SLC1A3: variants seen among roughly 807,000 people sequenced by gnomAD.
SLC1A3 encodes the protein solute carrier family 1 member 3, also known as excitatory amino acid transporter 1.
Under a neutral mutation model 48.1 loss-of-function variants are expected in SLC1A3, and 21 were observed. That is an observed-to-expected ratio of 0.44 (90% CI 0.31 to 0.63). The LOEUF is 0.63. Among genes scored for constraint, SLC1A3 ranks in the 20% least tolerant of loss-of-function variants. The probability of loss-of-function intolerance (pLI) is 0.08; values close to 1 mark genes in which losing one functional copy is unlikely to be tolerated. For synonymous variants in SLC1A3, 239 were observed against 251.4 expected, an observed-to-expected ratio of 0.95 and a Z score of 0.47; for missense variants, 546 against 689.0, an observed-to-expected ratio of 0.79 and a Z score of 2.32.
rs373869772 is a variant in SLC1A3, at chr5:36,616,058, C to T, written c.181+7454C>T. 4.6e-5 allele frequency among the ~76,000 whole-genome samples: 7 copies of T among 152,172 alleles called. No individual in the cohort carries two copies. The South Asian group carries it at 1.2e-3, about 27-fold the overall frequency. On this transcript the variant is annotated intron_variant, in intron 2 of 9. Coordinates refer to ENST00000265113, the MANE Select transcript of SLC1A3 (RefSeq NM_004172.5). The stretch of plus-strand genomic sequence containing the variant: ...TAAAAATACAAAAATTAGCCAGGCG[C>T]GGTGGCGGCTGCCTGTAATCCCAGC...
chr5:36,634,107 C>T (rs1372687177), intron 3 of SLC1A3, among the ~76,000 whole-genome samples: 2 of 152,030 alleles, frequency 1.3e-5, no homozygotes, highest in East Asian at 3.9e-4. Flanking sequence ...GAAACCCCAT[C>T]TCTACTAAAA....
chr5:36,611,602 G>C (rs1409665943), intron 2 of SLC1A3, among the ~76,000 whole-genome samples: 1 of 152,158 alleles, frequency 6.6e-6, no homozygotes, highest in African/African-American at 2.4e-5. Flanking sequence ...CATGTAACAA[G>C]AGCGGTTAGC....
At chr5:36,648,792 G>T (rs745825908) in intron 3 of SLC1A3, among the ~76,000 whole-genome samples, 7 of 152,110 alleles carry the variant, frequency 4.6e-5, no homozygotes, top group Non-Finnish European at 1.0e-4. Context: ...ATGGGGGAAG[G>T]TGTAAGATTT....
At chr5:36,685,878 T>A (rs1742622346) in intron 9 of SLC1A3, among the ~76,000 whole-genome samples, 187 bp from the exon 10 acceptor site, 1 of 152,266 alleles carries the variant, frequency 6.6e-6, no homozygotes, top group South Asian at 2.1e-4. Context: ...ATTCATCATC[T>A]ATATGGCCTT....
At chr5:36,663,266 A>T (rs1308914227) in intron 3 of SLC1A3, among the ~76,000 whole-genome samples, 1 of 151,226 alleles carries the variant, frequency 6.6e-6, no homozygotes, top group Non-Finnish European at 1.5e-5. Context: ...CCCAGGCTGG[A>T]GTGCAGTAGC....
At chr5:36,660,645 G>A (rs887230761) in intron 3 of SLC1A3, among the ~76,000 whole-genome samples, 2 of 152,220 alleles carry the variant, frequency 1.3e-5, no homozygotes, top group Non-Finnish European at 2.9e-5. Flanking sequence ...AGTTTACTCC[G>A]ACAGTGTTTT....
Position 36,680,586 on chromosome 5 carries a change from T to G in SLC1A3, c.1286T>G (p.Ile429Ser). Reference protein sequence around the residue: ...FELNFGQIITISITATAASIG... With the variant: ...FELNFGQIITSSITATAASIG... ...CTGAACTTCGGACAAATTATTACAATCAGGTACAAGGAAAGAGTTCTATAC... is the reference window on the plus strand; with the variant it reads ...CTGAACTTCGGACAAATTATTACAAGCAGGTACAAGGAAAGAGTTCTATAC... Residue 429 changes from isoleucine (I) to serine (S), a missense_variant, in exon 8 of 10, where the codon ATC becomes AGC. Coordinates refer to ENST00000265113, the MANE Select transcript of SLC1A3 (RefSeq NM_004172.5). 1 of 1,613,156 alleles carries G rather than the reference T, an allele frequency of 6.2e-7. No individual in the cohort carries two copies. Among genetic ancestry groups the G allele is most frequent in the Non-Finnish European group, 8.5e-7 (1 of 1,179,152 alleles).
In SLC1A3 at chr5:36,657,775, C is replaced by T. The variant is rs532722647; in HGVS notation, c.320-13254C>T. Among the ~76,000 whole-genome samples the T allele has an allele frequency of 3.9e-4, 59 of 152,334 alleles. 1 individual carries two copies. In the South Asian group the frequency reaches 0.012, roughly 31 times the overall value. ...GGAACAACTGAGCTTGGCAGCAGTT[C>T]ATGTGACTAAAGGCTTAATGTGAAC... On this transcript the variant is annotated intron_variant, in intron 3 of 9. Transcript: ENST00000265113.
chr5:36,652,390 T>C (rs772290556), intron 3 of SLC1A3, among the ~76,000 whole-genome samples: 54 of 152,136 alleles, frequency 3.5e-4, no homozygotes, highest in Non-Finnish European at 5.7e-4. Context: ...TCCTCTGCCT[T>C]CAAAGTTGGT....
chr5:36,598,286 T>C (rs1014447275), intron 1 of SLC1A3, among the ~76,000 whole-genome samples: 1 of 152,244 alleles, frequency 6.6e-6, no homozygotes, highest in Non-Finnish European at 1.5e-5. Flanking sequence ...GGGATTGTTG[T>C]GACAAGTAAA....
intron 3 of SLC1A3, among the ~76,000 whole-genome samples, chr5:36,667,327 T>C (rs1050114556): frequency 1.3e-5 from 2 of 152,140 alleles, no homozygotes; most frequent in Non-Finnish European, 1.5e-5. Flanking sequence ...GGGACAGAGA[T>C]TTTTCACAAT....
At chr5:36,661,377 A>C (rs924492006) in intron 3 of SLC1A3, among the ~76,000 whole-genome samples, 1 of 152,250 alleles carries the variant, frequency 6.6e-6, no homozygotes, top group African/African-American at 2.4e-5. Flanking sequence ...ATGCCACTGC[A>C]CTCCAGCCTG....
At chr5:36,631,675 T>A (rs1392982346) in intron 3 of SLC1A3, among the ~76,000 whole-genome samples, 1 of 152,220 alleles carries the variant, frequency 6.6e-6, no homozygotes, top group Non-Finnish European at 1.5e-5. Context: ...GGGGCAGAAT[T>A]TAGTTCGCCA....
rs183866405 is a variant in SLC1A3, at chr5:36,675,883, G to A, written c.568-1009G>A. Among the ~76,000 whole-genome samples, 8 of 152,196 alleles carry A rather than the reference G, an allele frequency of 5.3e-5. No homozygotes were observed. The East Asian group carries it at 9.7e-4, about 18-fold the overall frequency. On this transcript the variant is annotated intron_variant, in intron 5 of 9. Transcript: ENST00000265113. Reference sequence around the variant, plus strand: ...GAAATGACCAAGCACTTCATATACAGCAGCACTTTCTTCCCCTAGACTCTA... The same window carrying A: ...GAAATGACCAAGCACTTCATATACAACAGCACTTTCTTCCCCTAGACTCTA...
intron 3 of SLC1A3, among the ~76,000 whole-genome samples, chr5:36,654,518 C>G (rs969264739): frequency 6.6e-6 from 1 of 152,148 alleles, no homozygotes; most frequent in Admixed American, 6.5e-5. Flanking sequence ...GATAACACTT[C>G]TAAAGGGGCA....
chr5:36,658,920 C>G (rs1741393370), intron 3 of SLC1A3, among the ~76,000 whole-genome samples: 1 of 152,110 alleles, frequency 6.6e-6, no homozygotes, highest in African/African-American at 2.4e-5. Context: ...GTCAAACTAA[C>G]TCCAGTGCAG....
chr5:36,636,463 T>TTTCTTTTCTTTCTTTC (rs1554041157), intron 3 of SLC1A3: 2 of 68,598 alleles, frequency 2.9e-5, no homozygotes, highest in Non-Finnish European at 5.6e-5. Context: ...TCTTTCTTTC[T>TTTCTTTTCTTTCTTTC]TTTCTTTCTT....
At chr5:36,680,338 C>A in intron 7 of SLC1A3, 57 bp from the exon 8 acceptor site, 1 of 1,456,834 alleles carries the variant, frequency 6.9e-7, no homozygotes. Context: ...ACCAAACGCA[C>A]AGACAGTCAG....
intron 3 of SLC1A3, among the ~76,000 whole-genome samples, chr5:36,633,236 C>T (rs1740205323): frequency 6.6e-6 from 1 of 152,190 alleles, no homozygotes; most frequent in Non-Finnish European, 1.5e-5. Flanking sequence ...CTAGTGCTTT[C>T]TTCTTTTCTC....
Sources: gnomAD v4.1 joint callset for allele counts (sites outside exome capture counted in the v4.1 genomes callset) on GRCh38, gnomAD v4.1.1 for gene constraint, MANE v1.5 for transcripts, NCBI Gene and HGNC (gene_info 2026-07-23, HGNC 2026-07-21) for gene names.